Variants in NFIX observed in about 807,000 individuals in gnomAD.
NFIX encodes nuclear factor I X.
In NFIX, 2 loss-of-function variants were observed where a neutral mutation model predicts 53.3. That is an observed-to-expected ratio of 0.04 (90% CI 0.02 to 0.12). The LOEUF (loss-of-function observed/expected upper bound fraction) is 0.12, where lower values mean the gene tolerates loss of function less well. NFIX is among the 10% of genes least tolerant of loss of function. The pLI is 1.00. For synonymous variants in NFIX, 244 were observed against 289.0 expected (o/e 0.84, Z 1.58); for missense variants, 310 against 674.5 (o/e 0.46, Z 5.99).
chr19:13,038,373 G>A (rs1192352663), intron 2 of NFIX, among the ~76,000 whole-genome samples: 6 of 152,116 alleles, frequency 3.9e-5, no homozygotes, highest in Admixed American at 3.3e-4. Context: ...AGGCCACTGC[G>A]GCTCCTGGGG....
At chr19:13,076,590 C>G (rs530642486) in intron 6 of NFIX, among the ~76,000 whole-genome samples, 110 of 152,270 alleles carry the variant, frequency 7.2e-4, no homozygotes, top group African/African-American at 2.4e-3. Flanking sequence ...TGCAGACTCA[C>G]GCGTGTGGGT....
Position 12,998,152 on chromosome 19 carries a change from G to A in NFIX, c.27+2288G>A, listed in dbSNP as rs1197473905. The stretch of plus-strand genomic sequence containing the variant: ...GTCTTTTTCTCGGTCTGTTTTTATC[G>A]GTCTCTGGTGTATTCTGCCCTTTTC... On this transcript the variant is annotated intron_variant, in intron 1 of 10. Transcript: ENST00000592199. This position sits in a 1 kb window ranked among gnomAD's most constrained non-coding sequence, Gnocchi z 4.4. 3.9e-5 allele frequency among the ~76,000 whole-genome samples: 6 copies of A among 152,016 alleles called. No individual in the cohort carries two copies. Among genetic ancestry groups the A allele is most frequent in the Admixed American group, 3.3e-4 (5 of 15,252 alleles).
chr19:13,093,893 G>T lies in NFIX; in HGVS notation c.1495-742G>T, dbSNP rs550618691. Among the ~76,000 whole-genome samples the T allele has an allele frequency of 1.3e-5, 2 of 152,162 alleles. No homozygotes were observed. Among genetic ancestry groups the T allele is most frequent in the Admixed American group, 1.3e-4 (2 of 15,286 alleles). ...CCCAGACCCTTGGGGTCTGCCCTGG[G>T]TGTGCTCTGAGCTGAGCCACCAGAC... On this transcript the variant is annotated intron_variant, in intron 10 of 10. Transcript: ENST00000592199. The surrounding 1 kb of genome is among the most constrained non-coding windows in gnomAD (Gnocchi z 4.7).
In NFIX at chr19:13,088,504, T is replaced by C. The variant is rs1389485572; in HGVS notation, c.1402+368T>C. On this transcript the variant is annotated intron_variant, in intron 9 of 10. Transcript: ENST00000592199. The surrounding 1 kb of genome is among the most constrained non-coding windows in gnomAD (Gnocchi z 5.9). ...CCTGATTGCTGTTTTTTTTTTTTTG[T>C]TTTTTGTTTTTGTTTTTTAATTTTT... Among the ~76,000 whole-genome samples, 1 of 150,870 alleles carries C rather than the reference T, an allele frequency of 6.6e-6. No individual in the cohort carries two copies. The highest frequency in any genetic ancestry group is 1.5e-5 in the Non-Finnish European group (1 of 67,714).
intron 2 of NFIX, among the ~76,000 whole-genome samples, chr19:13,030,625 A>C (rs2013728062): frequency 6.6e-6 from 1 of 151,610 alleles, no homozygotes; most frequent in South Asian, 2.1e-4. Flanking sequence ...CCCACATTTC[A>C]CATGGCTCCT....
rs1435587730 is a variant in NFIX, at chr19:13,013,604, T to A, written c.28-11417T>A. 1.3e-5 allele frequency: 2 copies of A among 150,856 alleles called. No individual in the cohort carries two copies. Among genetic ancestry groups the A allele is most frequent in the African/African-American group, 2.4e-5 (1 of 40,974 alleles). The allele number at this position is 150,856 out of a possible 1,614,324, so 9.3% of individuals were successfully genotyped here. A position where few individuals can be genotyped will look rare whatever the true frequency, so the allele number is the denominator to read the frequency against. The stretch of plus-strand genomic sequence containing the variant: ...CCCAAGCTCCCAGACCACACTTAGC[T>A]TTTTTTTTCCCCCCTTACTCTTCGA... On this transcript the variant is annotated intron_variant, in intron 1 of 10. Transcript: ENST00000592199. The surrounding 1 kb of genome is among the most constrained non-coding windows in gnomAD (Gnocchi z 5.9).
intron 1 of NFIX, among the ~76,000 whole-genome samples, chr19:13,000,195 G>A (rs2145128534): frequency 6.6e-6 from 1 of 152,304 alleles, no homozygotes; most frequent in Admixed American, 6.5e-5. Context: ...CTGAAGCACA[G>A]GATTTTCCTG....
Position 13,090,451 on chromosome 19 carries a change from C to T in NFIX, c.1494+61C>T. ...CAGGGGAGTAGTCAGGGTTGGGGGG[C>T]ATCTTGGTGTTAGGGAAGAGCCTGG... On this transcript the variant is annotated intron_variant, in intron 10 of 10. Coordinates refer to ENST00000592199, the MANE Select transcript of NFIX (RefSeq NM_001365902.3). The surrounding 1 kb of genome is among the most constrained non-coding windows in gnomAD (Gnocchi z 6.6). The T allele has an allele frequency of 6.7e-7, 1 of 1,484,160 alleles. No homozygotes were observed. The highest frequency in any genetic ancestry group is 1.1e-5 in the South Asian group (1 of 88,466). 91.9% of individuals were successfully genotyped at this position (1,484,160 alleles called of 1,614,324 possible).
chr19:13,087,859 G>C, intron 8 of NFIX, 130 bp from the exon 9 acceptor site: 1 of 997,304 alleles, frequency 1.0e-6, no homozygotes. Flanking sequence ...TGCCCTGGAG[G>C]AGAGGACCCA....
intron 2 of NFIX, among the ~76,000 whole-genome samples, chr19:13,061,101 A>C (rs2016057942): frequency 3.7e-5 from 5 of 136,626 alleles, no homozygotes; most frequent in Admixed American, 7.4e-5. Context: ...TCCCCCCCAA[A>C]TCGAGGGCAG....
At position 13,039,262 on chromosome 19, in the gene NFIX, A is replaced by G. The variant is rs375439590; in HGVS notation, c.559+13710A>G. Among the ~76,000 whole-genome samples the G allele has an allele frequency of 2.0e-5, 3 of 147,778 alleles. No homozygotes were observed. In the East Asian group the frequency reaches 5.9e-4, roughly 29 times the overall value. On this transcript the variant is annotated intron_variant, in intron 2 of 10. Coordinates refer to ENST00000592199, the MANE Select transcript of NFIX (RefSeq NM_001365902.3). ...CACATACACGTGTGTGTGTGTGTGT[A>G]GGGTCTGTTCAAGCCCTGCTGCTGC...
At chr19:13,016,264 C>CT (rs1320797981) in intron 1 of NFIX, among the ~76,000 whole-genome samples, 5 of 152,240 alleles carry the variant, frequency 3.3e-5, no homozygotes, top group South Asian at 2.1e-4. Flanking sequence ...TTAGTCCTTC[C>CT]TGCTAGGAAT....
chr19:13,022,430 C>T lies in NFIX; in HGVS notation c.28-2591C>T, dbSNP rs1339725375. ...TCAGCAGCCAGACCTGGGGGCATCA[C>T]AAGGTGGCAGTACCCTGGGCACCAG... On this transcript the variant is annotated intron_variant, in intron 1 of 10. Transcript: ENST00000592199. The surrounding 1 kb of genome is among the most constrained non-coding windows in gnomAD (Gnocchi z 4.5). Among the ~76,000 whole-genome samples, 1 of 152,078 alleles carries T rather than the reference C, an allele frequency of 6.6e-6. No homozygotes were observed. Among genetic ancestry groups the T allele is most frequent in the Non-Finnish European group, 1.5e-5 (1 of 68,020 alleles).
chr19:13,071,447 G>A (rs2016771174), intron 2 of NFIX: 1 of 152,202 alleles, frequency 6.6e-6, no homozygotes, highest in Non-Finnish European at 1.5e-5. Flanking sequence ...AGAGCAGAGA[G>A]TGCCACTAAC....
rs1357745009 is a variant in NFIX, at chr19:13,012,329, A to C, written c.28-12692A>C. On this transcript the variant is annotated intron_variant, in intron 1 of 10. Coordinates refer to ENST00000592199, the MANE Select transcript of NFIX (RefSeq NM_001365902.3). This position sits in a 1 kb window ranked among gnomAD's most constrained non-coding sequence, Gnocchi z 5.0. ...CGTTTGTGCCGCCAGAGTCTTCTCA[A>C]TGATCCCTCCCAGGCACCGTAGGCC... is the stretch of plus-strand genomic sequence containing the variant. 6.6e-6 allele frequency: 1 copy of C among 152,002 alleles called. No homozygotes were observed. Among genetic ancestry groups the C allele is most frequent in the Non-Finnish European group, 1.5e-5 (1 of 68,038 alleles). 9.4% of individuals were successfully genotyped at this position (152,002 alleles called of 1,614,324 possible).
At chr19:13,076,721 G>A (rs565044962) in intron 6 of NFIX, among the ~76,000 whole-genome samples, 1 of 152,328 alleles carries the variant, frequency 6.6e-6, no homozygotes, top group South Asian at 2.1e-4. Context: ...TGCCCCTACT[G>A]GGAAGGGCCA....
In NFIX at chr19:13,012,022, G is replaced by A. The variant is rs2012375781; in HGVS notation, c.28-12999G>A. 1.3e-5 allele frequency among the ~76,000 whole-genome samples: 2 copies of A among 152,210 alleles called. No individual in the cohort carries two copies. The highest frequency in any genetic ancestry group is 2.9e-5 in the Non-Finnish European group (2 of 68,032). On this transcript the variant is annotated intron_variant, in intron 1 of 10. Transcript: ENST00000592199. This position sits in a 1 kb window ranked among gnomAD's most constrained non-coding sequence, Gnocchi z 5.0. The stretch of plus-strand genomic sequence containing the variant: ...CACTTGCATCGCACACTGAGGGGTG[G>A]GAGAGGACAGCACATGCCTGGACCG...
Position 13,060,456 on chromosome 19 carries a change from C to T in NFIX, c.560-12591C>T, listed in dbSNP as rs966974376. ...ATCAGCTCCCAGCTTGTGCTGCACCCTCTGACCACAACTTTGTGGGGCGCC... is the reference window on the plus strand; with the variant it reads ...ATCAGCTCCCAGCTTGTGCTGCACCTTCTGACCACAACTTTGTGGGGCGCC... On this transcript the variant is annotated intron_variant, in intron 2 of 10. Coordinates refer to ENST00000592199, the MANE Select transcript of NFIX (RefSeq NM_001365902.3). The surrounding 1 kb of genome is among the most constrained non-coding windows in gnomAD (Gnocchi z 4.3). Among the ~76,000 whole-genome samples, 1 of 152,216 alleles carries T rather than the reference C, an allele frequency of 6.6e-6. No homozygotes were observed. Among genetic ancestry groups the T allele is most frequent in the African/African-American group, 2.4e-5 (1 of 41,458 alleles).
chr19:13,015,825 C>CGCACAT (rs1331016087), intron 1 of NFIX, among the ~76,000 whole-genome samples: 2 of 152,100 alleles, frequency 1.3e-5, no homozygotes, highest in South Asian at 4.2e-4. Flanking sequence ...CACACGCACA[C>CGCACAT]GCACTCTGCA....
Sources: gnomAD v4.1 joint callset for allele counts (sites outside exome capture counted in the v4.1 genomes callset) on GRCh38, gnomAD v4.1.1 for gene constraint, Gnocchi (gnomAD v3.1) non-coding constraint, MANE v1.5 for transcripts, NCBI Gene and HGNC (gene_info 2026-07-23, HGNC 2026-07-21) for gene names.